Variants in MRAP2 observed in about 807,000 individuals in gnomAD.
MRAP2 encodes the protein melanocortin 2 receptor accessory protein 2, also known as melanocortin-2 receptor accessory protein 2.
In MRAP2, 20 loss-of-function variants were observed where a neutral mutation model predicts 17.4. The ratio of observed to expected loss-of-function variants is 1.15; its 90% CI spans 0.81 to 1.67. MRAP2 has a LOEUF of 1.67. Ranked by LOEUF, MRAP2 falls within the 40% of genes most tolerant of loss-of-function variation. MRAP2 has a pLI of 0.00. For synonymous variants in MRAP2, 96 were observed against 88.4 expected, an observed-to-expected ratio of 1.09 and a Z score of -0.48; for missense variants, 238 against 240.0, an observed-to-expected ratio of 0.99 and a Z score of 0.05.
At chr6:84,101,106 CA>C in the MRAP2 span, among the ~76,000 whole-genome samples, 1 of 152,158 alleles carries the variant, frequency 6.6e-6, no homozygotes, top group East Asian at 1.9e-4. Flanking sequence ...TTAATGTATT[CA>C]TTGTTCACAT....
the MRAP2 span, among the ~76,000 whole-genome samples, chr6:84,125,668 C>T: frequency 6.6e-6 from 1 of 152,072 alleles, no homozygotes; most frequent in Non-Finnish European, 1.5e-5. Flanking sequence ...TTCCTCTCCT[C>T]TGCACACATG....
At position 84,089,276 on chromosome 6, in the gene MRAP2, T is replaced by C. The variant is rs754185547; in HGVS notation, c.413T>C (p.Leu138Pro). ...AAAGCTTGTCACCAGACCACAGCCCTTGACAGTGACGTCCAACTCCAGGAA... is the reference window on the plus strand; with the variant it reads ...AAAGCTTGTCACCAGACCACAGCCCCTGACAGTGACGTCCAACTCCAGGAA... ...RAKACHQTTA[L>P]DSDVQLQEAI... Residue 138 changes from leucine to proline, a missense_variant, in exon 4 of 4, where the codon CTT (leucine) becomes CCT (proline). By Grantham distance (98) the Leu-to-Pro change is moderately conservative (BLOSUM62 -3). Transcript: ENST00000257776. 3.7e-6 allele frequency: 6 copies of C among 1,614,052 alleles called. No homozygotes were observed. Among genetic ancestry groups the C allele is most frequent in the Admixed American group, 1.7e-5 (1 of 60,000 alleles).
At position 84,035,436 on chromosome 6, in the gene MRAP2, C is replaced by A. The variant is rs572796825; in HGVS notation, c.-8+1553C>A. Reference sequence around the variant, plus strand: ...TCTAGCAATCTACTGGGATATAGATCAGGGTATGCTGTATCCATTGTCTTC... The same window carrying A: ...TCTAGCAATCTACTGGGATATAGATAAGGGTATGCTGTATCCATTGTCTTC... On this transcript the variant is annotated intron_variant, in intron 1 of 3. Coordinates refer to ENST00000257776, the MANE Select transcript of MRAP2 (RefSeq NM_138409.4). 7 of 984,048 alleles carry A rather than the reference C, an allele frequency of 7.1e-6. No homozygotes were observed. The South Asian group carries it at 1.9e-4, about 26-fold the overall frequency. 61.0% of individuals were successfully genotyped at this position (984,048 alleles called of 1,614,324 possible).
rs1221843742 is a variant in MRAP2, at chr6:84,064,732, C to T, written c.227+1740C>T. Among the ~76,000 whole-genome samples the T allele has an allele frequency of 4.6e-5, 7 of 152,240 alleles. No homozygotes were observed. In the South Asian group the frequency reaches 1.2e-3, roughly 27 times the overall value. ...TCGATCTGCTGACTTCGTGATCCGC[C>T]CGCCTTGGCCTCCCAAAGTGCTGGG... On this transcript the variant is annotated intron_variant, in intron 3 of 3. Coordinates refer to ENST00000257776, the MANE Select transcript of MRAP2 (RefSeq NM_138409.4).
At chr6:84,145,478 G>C in the MRAP2 span, among the ~76,000 whole-genome samples, 1 of 152,110 alleles carries the variant, frequency 6.6e-6, no homozygotes, top group Admixed American at 6.6e-5. Flanking sequence ...ATCTCTGATA[G>C]AAATGAGGGT....
the MRAP2 span, chr6:84,124,682 C>A: frequency 4.0e-6 from 1 of 248,148 alleles, no homozygotes; most frequent in Non-Finnish European, 7.7e-6. Flanking sequence ...CACCATTATT[C>A]AATACACCCA....
chr6:84,101,234 T>C, the MRAP2 span, among the ~76,000 whole-genome samples: 74 of 152,298 alleles, frequency 4.9e-4, no homozygotes, highest in African/African-American at 1.6e-3. Context: ...TGGCCCTTTA[T>C]CTTATTATTC....
At chr6:84,121,850 G>C in the MRAP2 span, among the ~76,000 whole-genome samples, 1 of 151,982 alleles carries the variant, frequency 6.6e-6, no homozygotes, top group Non-Finnish European at 1.5e-5. Context: ...CAAAAAGACA[G>C]ATCTCAAATT....
At chr6:84,060,514 G>T (rs891116211) in intron 2 of MRAP2, among the ~76,000 whole-genome samples, 1 of 152,102 alleles carries the variant, frequency 6.6e-6, no homozygotes, top group Non-Finnish European at 1.5e-5. Context: ...ATATAGCATT[G>T]GTGTATAATT....
chr6:84,145,135 C>T, the MRAP2 span, among the ~76,000 whole-genome samples: 3 of 152,084 alleles, frequency 2.0e-5, no homozygotes, highest in Non-Finnish European at 4.4e-5. Flanking sequence ...TGGTACCTTA[C>T]ATACGAGGTT....
At chr6:84,141,423 A>AAATT in the MRAP2 span, among the ~76,000 whole-genome samples, 1 of 152,264 alleles carries the variant, frequency 6.6e-6, no homozygotes, top group South Asian at 2.1e-4. Context: ...CATCTGCTAT[A>AAATT]AATTCCTCCT....
intron 3 of MRAP2, among the ~76,000 whole-genome samples, chr6:84,074,660 A>G (rs569941735): frequency 8.0e-4 from 122 of 152,316 alleles, no homozygotes; most frequent in Non-Finnish European, 1.2e-3. Flanking sequence ...GACATCAGCA[A>G]TGGACTGCAT....
chr6:84,091,597 T>G (rs1269884709), downstream of MRAP2, among the ~76,000 whole-genome samples: 1 of 152,218 alleles, frequency 6.6e-6, no homozygotes, highest in Non-Finnish European at 1.5e-5. Context: ...AATCATGGGC[T>G]ATTATTAAAG....
intron 1 of MRAP2, among the ~76,000 whole-genome samples, chr6:84,048,308 T>A (rs1442916815): frequency 6.6e-6 from 1 of 152,240 alleles, no homozygotes; most frequent in Admixed American, 6.5e-5. Flanking sequence ...AATTGCCATC[T>A]TAATAGGGTG....
the MRAP2 span, chr6:84,125,073 A>ATACTC: frequency 6.2e-7 from 1 of 1,610,626 alleles, no homozygotes; most frequent in South Asian, 1.1e-5. Context: ...ATTTCTATTA[A>ATACTC]TACTCTGGTG....
the MRAP2 span, among the ~76,000 whole-genome samples, chr6:84,096,896 T>C: frequency 6.6e-6 from 1 of 152,152 alleles, no homozygotes; most frequent in African/African-American, 2.4e-5. Context: ...GAACAGGCAT[T>C]GGCTAGTAAA....
At chr6:84,135,844 C>A in the MRAP2 span, among the ~76,000 whole-genome samples, 6 of 152,148 alleles carry the variant, frequency 3.9e-5, no homozygotes, top group Non-Finnish European at 8.8e-5. Context: ...GCCTGGGCGA[C>A]AACAGTAAGA....
chr6:84,076,141 T>C (rs2099497547), intron 3 of MRAP2, among the ~76,000 whole-genome samples: 1 of 151,950 alleles, frequency 6.6e-6, no homozygotes. Context: ...GGCTCACTGC[T>C]AGCCTCAACT....
At chr6:84,094,837 GCGCACCAC>G (rs1315108803), downstream of MRAP2, among the ~76,000 whole-genome samples, 1 of 151,926 alleles carries the variant, frequency 6.6e-6, no homozygotes, top group Non-Finnish European at 1.5e-5. Flanking sequence ...GACTACAGGT[GCGCACCAC>G]CGCACCTGGC....
Sources: allele counts gnomAD v4.1 joint callset (sites outside exome capture counted in the v4.1 genomes callset), GRCh38; gene constraint gnomAD v4.1.1; transcripts MANE v1.5; gene names NCBI Gene and HGNC (gene_info 2026-07-23, HGNC 2026-07-21).